INSC: variants seen among roughly 807,000 people sequenced by gnomAD.
INSC encodes INSC spindle orientation adaptor protein.
Under a neutral mutation model 58.6 loss-of-function variants are expected in INSC, and 67 were observed. That is an observed-to-expected ratio of 1.14 (90% confidence interval 0.94 to 1.40). The LOEUF (loss-of-function observed/expected upper bound fraction) is 1.40. INSC is among the 40% of genes most tolerant of loss of function. The pLI is 0.00. For synonymous variants in INSC, 262 were observed against 276.1 expected, an observed-to-expected ratio of 0.95 and a Z score of 0.51; for missense variants, 714 against 692.0, an observed-to-expected ratio of 1.03 and a Z score of -0.36.
intron 2 of INSC, among the ~76,000 whole-genome samples, chr11:15,160,043 T>A (rs12293568): frequency 1.2e-3 from 178 of 152,368 alleles, no homozygotes; most frequent in African/African-American, 4.1e-3. Context: ...TACTGTAGCA[T>A]GTAGCATGGT....
At chr11:15,174,600 G>A (rs530603767) in intron 2 of INSC, among the ~76,000 whole-genome samples, 54 of 152,274 alleles carry the variant, frequency 3.5e-4, no homozygotes, top group African/African-American at 1.3e-3. Flanking sequence ...TAAGATCAGC[G>A]GCAGAAAGAC....
intron 2 of INSC, among the ~76,000 whole-genome samples, chr11:15,156,217 T>C (rs183831610): frequency 4.3e-4 from 65 of 152,152 alleles, no homozygotes; most frequent in Non-Finnish European, 8.4e-4. Flanking sequence ...GCACCCCAAT[T>C]TTCCTCAGAA....
At chr11:15,239,128 G>A in intron 11 of INSC, 54 bp downstream of exon 11, 2 of 1,559,514 alleles carry the variant, frequency 1.3e-6, no homozygotes. Context: ...TTGGGGGTGG[G>A]AGCAGCTCTG....
At chr11:15,256,640 C>T in the INSC span, among the ~76,000 whole-genome samples, 1 of 152,078 alleles carries the variant, frequency 6.6e-6, no homozygotes, top group Non-Finnish European at 1.5e-5. Flanking sequence ...CAGGTGCCCA[C>T]CACCACGCCC....
intron 3 of INSC, among the ~76,000 whole-genome samples, chr11:15,176,713 G>A (rs1397647564): frequency 6.6e-6 from 1 of 152,074 alleles, no homozygotes; most frequent in African/African-American, 2.4e-5. Context: ...CAAAGCCCAA[G>A]GTGAACCATT....
chr11:15,172,724 G>C (rs1337382015), intron 2 of INSC, among the ~76,000 whole-genome samples: 1 of 152,242 alleles, frequency 6.6e-6, no homozygotes, highest in Non-Finnish European at 1.5e-5. Context: ...GTGAAAGAGA[G>C]TGGTATGTTC....
Position 15,245,955 on chromosome 11 carries a change from A to AG in INSC, c.1516dup (p.Asp506GlyfsTer3), listed in dbSNP as rs766330591. The AG allele has an allele frequency of 1.2e-6, 2 of 1,614,200 alleles. No homozygotes were observed. Among genetic ancestry groups the AG allele is most frequent in the Admixed American group, 3.3e-5 (2 of 60,030 alleles). ...GCTGGGGTCTGCCCTGAAGGCCTCCAGGACTCTGACTTTCAGCAGTTGGTC... is the reference window on the plus strand; with the variant it reads ...GCTGGGGTCTGCCCTGAAGGCCTCCAGGGACTCTGACTTTCAGCAGTTGGTC... On this transcript the variant is annotated frameshift_variant, in exon 13 of 13. Transcript: ENST00000379556. LOFTEE classifies it high-confidence loss of function.
intron 2 of INSC, among the ~76,000 whole-genome samples, chr11:15,175,397 A>T (rs1318832590): frequency 6.6e-6 from 1 of 152,084 alleles, no homozygotes; most frequent in Non-Finnish European, 1.5e-5. Flanking sequence ...AAGAGATGGG[A>T]TCTTGCTATG....
intron 1 of INSC, among the ~76,000 whole-genome samples, chr11:15,119,716 G>A (rs1847821758): frequency 6.6e-6 from 1 of 152,246 alleles, no homozygotes; most frequent in African/African-American, 2.4e-5. Context: ...TTGAGGGACA[G>A]AACAATTGGC....
chr11:15,260,071 C>A, the INSC span, among the ~76,000 whole-genome samples: 1 of 152,136 alleles, frequency 6.6e-6, no homozygotes. Flanking sequence ...AGGCATGGAT[C>A]CAACAGCCAT....
the INSC span, among the ~76,000 whole-genome samples, chr11:15,264,474 T>A: frequency 9.0e-5 from 13 of 144,484 alleles, no homozygotes; most frequent in African/African-American, 1.8e-4. Flanking sequence ...TCCTTGCAGC[T>A]GTAAGACTGA....
rs1481739001 is a variant in INSC, at chr11:15,178,332, A to T, written c.464A>T (p.Gln155Leu). Residue 155 changes from glutamine to leucine, a missense_variant, in exon 5 of 13, where the codon CAG (glutamine) becomes CTG (leucine). Physicochemically the swap from Gln to Leu is moderately radical, Grantham distance 113. Transcript: ENST00000379556. The part of the protein sequence containing the change: ...ELSAVTERCL[Q>L]VENEHVLKSM... ...TGGTTTCTTCTCTTCAGGTGCCTTC[A>T]GGTTGAGAATGAGCATGTCCTGAAG... 1 of 1,613,908 alleles carries T rather than the reference A, an allele frequency of 6.2e-7. No homozygotes were observed. Among genetic ancestry groups the T allele is most frequent in the Admixed American group, 1.7e-5 (1 of 60,014 alleles).
intron 2 of INSC, among the ~76,000 whole-genome samples, chr11:15,158,859 G>GTTT (rs1239483304): frequency 3.3e-5 from 2 of 60,676 alleles, no homozygotes; most frequent in African/African-American, 1.3e-4. Context: ...AATTGTTGGT[G>GTTT]GTTTTTTTTT....
At chr11:15,216,269 G>T (rs926036452) in intron 7 of INSC, among the ~76,000 whole-genome samples, 1 of 152,186 alleles carries the variant, frequency 6.6e-6, no homozygotes, top group East Asian at 1.9e-4. Context: ...AAGATGGAGA[G>T]AACTGAATTC....
At chr11:15,219,575 A>G (rs1354984992) in intron 7 of INSC, among the ~76,000 whole-genome samples, 2 of 151,956 alleles carry the variant, frequency 1.3e-5, no homozygotes, top group African/African-American at 4.8e-5. Context: ...GGACCATCAA[A>G]TCCTTGGCCT....
chr11:15,112,974 T>G (rs76262120), upstream of INSC, among the ~76,000 whole-genome samples: 6,937 of 152,146 alleles, frequency 0.046, 202 homozygotes, highest in South Asian at 0.061. Context: ...GTCCAAGGAC[T>G]CATCACTAGA....
intron 12 of INSC, among the ~76,000 whole-genome samples, chr11:15,240,794 G>C (rs1275794448): frequency 6.6e-6 from 1 of 152,164 alleles, no homozygotes; most frequent in East Asian, 1.9e-4. Context: ...TAGGAACCAG[G>C]AACCTTTGAG....
intron 6 of INSC, 28 bp from the exon 7 acceptor site, chr11:15,200,796 A>G (rs778780883): frequency 1.7e-5 from 28 of 1,613,726 alleles, no homozygotes; most frequent in Non-Finnish European, 2.3e-5. Context: ...ACACAGTAAG[A>G]TGATGTGACA....
At chr11:15,225,948 C>T in intron 9 of INSC, 120 bp downstream of exon 9, 1 of 964,876 alleles carries the variant, frequency 1.0e-6, no homozygotes, top group South Asian at 1.7e-5. Flanking sequence ...GTTTTGCATG[C>T]TGTAGGAGGG....
Sources: allele counts gnomAD v4.1 joint callset (sites outside exome capture counted in the v4.1 genomes callset), GRCh38; gene constraint gnomAD v4.1.1; transcripts MANE v1.5; gene names NCBI Gene and HGNC (gene_info 2026-07-23, HGNC 2026-07-21).